The following CEP290 variants were observed in gnomAD, a reference collection of about 807,000 sequenced individuals.
CEP290 encodes centrosomal protein 290.
CEP290 carries 317 observed loss-of-function variants against 344.9 expected under a neutral mutation model. The ratio of observed to expected loss-of-function variants is 0.92; its 90% confidence interval spans 0.84 to 1.01. The LOEUF is 1.01. Ranked by LOEUF, CEP290 falls within the 50% of genes least tolerant of loss-of-function variation. The pLI, the probability that CEP290 is intolerant of heterozygous loss-of-function variation, is 0.00. For missense variants in CEP290, 2,754 were observed against 2,761.4 expected (o/e 1.00, Z 0.06); for synonymous variants, 932 against 895.8 (o/e 1.04, Z -0.72).
At position 88,106,769 on chromosome 12, in the gene CEP290, C is replaced by A. The variant is rs369746468; in HGVS notation, c.2723G>T (p.Arg908Leu). The A allele has an allele frequency of 6.2e-7, 1 of 1,610,136 alleles. No individual in the cohort carries two copies. Among genetic ancestry groups the A allele is most frequent in the East Asian group, 2.2e-5 (1 of 44,686 alleles). ...CTTCTCATTTTCTTTTCTAAGTTGTCGCTCCAATTCTACTAAGGTTGTATA... is the reference window on the plus strand; with the variant it reads ...CTTCTCATTTTCTTTTCTAAGTTGTAGCTCCAATTCTACTAAGGTTGTATA... ...RQYTTLVELE[R>L]QLRKENEKQK... Residue 908 changes from arginine to leucine, a missense_variant, in exon 25 of 54, where the codon CGA becomes CTA. Arg to Leu is a moderately radical substitution (Grantham distance 102). Coordinates refer to ENST00000552810, the MANE Select transcript of CEP290 (RefSeq NM_025114.4).
chr12:88,086,460 TTC>T lies in CEP290; in HGVS notation c.4231_4232del (p.Glu1411SerfsTer2). ...EERQMAWDQR[E>X]VDLERQLDIF... ...TGTCTAGTTGGCGTTCCAGGTCAAC[TTC>T]TCTTTGATCCCAGGCCATTTGTCTT... On this transcript the variant is annotated frameshift_variant, in exon 33 of 54. Coordinates refer to ENST00000552810, the MANE Select transcript of CEP290 (RefSeq NM_025114.4). LOFTEE classifies it high-confidence loss of function. 1 of 1,600,104 alleles carries T rather than the reference TTC, an allele frequency of 6.2e-7. No homozygotes were observed. Among genetic ancestry groups the T allele is most frequent in the Non-Finnish European group, 8.5e-7 (1 of 1,171,850 alleles).
intron 1 of CEP290, 35 bp from the exon 2 acceptor site, chr12:88,141,369 G>T: frequency 1.9e-6 from 2 of 1,075,860 alleles, no homozygotes; most frequent in Non-Finnish European, 2.7e-6. Context: ...GCATTTTCAA[G>T]GTACACAGTA....
intron 27 of CEP290, among the ~76,000 whole-genome samples, chr12:88,095,334 T>C (rs993917470): frequency 2.0e-5 from 3 of 152,092 alleles, no homozygotes; most frequent in African/African-American, 7.2e-5. Flanking sequence ...AAGCTAATGA[T>C]GTGACATTTT....
Position 88,090,709 on chromosome 12 carries a change from G to C in CEP290, c.3573+19C>G, listed in dbSNP as rs969600069. The stretch of plus-strand genomic sequence containing the variant: ...GGAAAAAAGTGGATTCTATGTAGAA[G>C]AGCCAATACTGCACATACCTGATAG... On this transcript the variant is annotated intron_variant, in intron 30 of 53. Coordinates refer to ENST00000552810, the MANE Select transcript of CEP290 (RefSeq NM_025114.4). 7.3e-7 allele frequency: 1 copy of C among 1,378,638 alleles called. No homozygotes were observed. The highest frequency in any genetic ancestry group is 1.3e-5 in the South Asian group (1 of 78,674). The allele number at this position is 1,378,638 out of a possible 1,614,324, so 85.4% of individuals were successfully genotyped here.
At chr12:88,128,055 T>G (rs2039839935) in intron 11 of CEP290, among the ~76,000 whole-genome samples, 1 of 152,142 alleles carries the variant, frequency 6.6e-6, no homozygotes, top group African/African-American at 2.4e-5. Flanking sequence ...TGGCCTCCCA[T>G]CTGCTTTTGT....
chr12:88,074,605 C>T (rs1168884896), intron 41 of CEP290, among the ~76,000 whole-genome samples: 1 of 152,162 alleles, frequency 6.6e-6, no homozygotes, highest in African/African-American at 2.4e-5. Flanking sequence ...TTAGGCCTTC[C>T]GAGCACACCT....
chr12:88,059,867 C>A, intron 48 of CEP290, 31 bp downstream of exon 48: 2 of 1,531,606 alleles, frequency 1.3e-6, no homozygotes, highest in South Asian at 1.3e-5. Flanking sequence ...AAATAAAAAT[C>A]AAAAGTTATA....
intron 11 of CEP290, 36 bp from the exon 12 acceptor site, chr12:88,126,474 G>A (rs758525655): frequency 2.2e-6 from 3 of 1,375,668 alleles, no homozygotes; most frequent in South Asian, 3.1e-5. Flanking sequence ...TTATGCAAAA[G>A]GAAAGTTAAT....
intron 45 of CEP290, among the ~76,000 whole-genome samples, chr12:88,063,142 C>CAAAAAAAAAAAAAAAAAA (rs11314427): frequency 7.7e-6 from 1 of 129,784 alleles, no homozygotes; most frequent in Non-Finnish European, 1.6e-5. Flanking sequence ...GAAGCAGTAC[C>CAAAAAAAAAAAAAAAAAA]AAAAAAAAAA....
rs752299840 is a variant in CEP290 at position 88,083,947 on chromosome 12, C to T, written c.4712G>A (p.Arg1571Lys). ...TTCCTCATGTTTCTTCACAATTTCT[C>T]TTTGCTCCTGTTTTACAGAAAATCG... ...RLLEKAREEQ[R>K]EIVKKHEEDL... The change falls in exon 36 of 54, where the codon AGA becomes AAA. Residue 1571 changes from arginine (R) to lysine (K), a missense_variant. By Grantham distance (26) the Arg-to-Lys change is conservative (BLOSUM62 2). Coordinates refer to ENST00000552810, the MANE Select transcript of CEP290 (RefSeq NM_025114.4). The T allele has an allele frequency of 1.3e-6, 2 of 1,583,750 alleles. No individual in the cohort carries two copies. The highest frequency in any genetic ancestry group is 2.7e-5 in the African/African-American group (2 of 74,442).
At chr12:88,081,402 G>T (rs1342965506) in intron 37 of CEP290, among the ~76,000 whole-genome samples, 4 of 152,130 alleles carry the variant, frequency 2.6e-5, no homozygotes, top group Non-Finnish European at 5.9e-5. Flanking sequence ...ACTATCAAAA[G>T]ATTTAGTTAA....
At chr12:88,131,357 G>A (rs1402570739) in intron 6 of CEP290, 139 bp from the exon 7 acceptor site, 7 of 548,772 alleles carry the variant, frequency 1.3e-5, no homozygotes, top group African/African-American at 6.1e-5. Context: ...TCTGCCTCCC[G>A]GTTCAAGCAA....
chr12:88,090,753 A>C lies in CEP290; in HGVS notation c.3548T>G (p.Leu1183Arg). 6.4e-7 allele frequency: 1 copy of C among 1,560,394 alleles called. No homozygotes were observed. The highest frequency in any genetic ancestry group is 8.7e-7 in the Non-Finnish European group (1 of 1,149,980). Residue 1183 changes from leucine to arginine, a missense_variant, in exon 30 of 54, where the codon CTC becomes CGC. By Grantham distance (102) the Leu-to-Arg change is moderately radical. Transcript: ENST00000552810. ...QQSRDKEVES[L>R]RMQLLDYQAQ... ...CTGATAGTCTAGCAGTTGCATTCTG[A>C]GGGACTCTACTTCCTTGTCCCTAGA... is the stretch of plus-strand genomic sequence containing the variant.
At chr12:88,086,883 G>A (rs2036624010) in intron 32 of CEP290, among the ~76,000 whole-genome samples, 1 of 152,160 alleles carries the variant, frequency 6.6e-6, no homozygotes, top group African/African-American at 2.4e-5. Flanking sequence ...TAATAAACCA[G>A]TAAGTATGTA....
intron 2 of CEP290, 68 bp downstream of exon 2, chr12:88,141,138 T>C: frequency 1.5e-6 from 2 of 1,296,562 alleles, no homozygotes; most frequent in Non-Finnish European, 2.1e-6. Flanking sequence ...AAAAAATAAA[T>C]TCATATTTTA....
intron 50 of CEP290, 27 bp from the exon 51 acceptor site, chr12:88,054,440 A>G (rs1264170878): frequency 6.6e-7 from 1 of 1,507,778 alleles, no homozygotes; most frequent in Admixed American, 1.7e-5. Flanking sequence ...AAGTTAGAAG[A>G]TAAGGTTTGC....
In CEP290 at chr12:88,090,815, G is replaced by A. The variant is rs376583223; in HGVS notation, c.3486C>T (p.Ala1162=). ...CATTCAAAATTTCAACTTGTCTTCT[G>A]GCAATATCAGAAATCTCTCTCAGTC... ...VSKLREISDI[A]RRQVEILNAQ... Residue 1162 remains alanine, a synonymous_variant, in exon 30 of 54, where the codon GCC becomes GCT. Coordinates refer to ENST00000552810, the MANE Select transcript of CEP290 (RefSeq NM_025114.4). The A allele has an allele frequency of 8.4e-6, 13 of 1,556,178 alleles. No homozygotes were observed. In the African/African-American group the frequency reaches 1.6e-4, roughly 20 times the overall value.
chr12:88,076,730 A>G (rs1394814456), intron 41 of CEP290, among the ~76,000 whole-genome samples: 1 of 152,088 alleles, frequency 6.6e-6, no homozygotes, highest in African/African-American at 2.4e-5. Flanking sequence ...ACTGATTATT[A>G]CTGCAAATAC....
At chr12:88,061,503 TA>T (rs985034682) in intron 46 of CEP290, among the ~76,000 whole-genome samples, 1 of 152,184 alleles carries the variant, frequency 6.6e-6, no homozygotes, top group Non-Finnish European at 1.5e-5. Context: ...CTTGCATAAA[TA>T]TATCAGCAGA....
Sources: gnomAD v4.1 joint callset for allele counts (sites outside exome capture counted in the v4.1 genomes callset) on GRCh38, gnomAD v4.1.1 for gene constraint, MANE v1.5 for transcripts, NCBI Gene and HGNC (gene_info 2026-07-23, HGNC 2026-07-21) for gene names.